The following TFAP2B variants were observed in gnomAD, a reference collection of about 807,000 sequenced individuals.
TFAP2B encodes the protein transcription factor AP-2-beta.
Under a neutral mutation model 44.3 loss-of-function variants are expected in TFAP2B, and 9 were observed. The observed-to-expected ratio is 0.20, with a 90% CI of 0.12 to 0.35. The LOEUF is 0.35. Ranked by LOEUF, TFAP2B falls within the 10% of genes least tolerant of loss-of-function variation. TFAP2B has a pLI of 1.00. For missense variants in TFAP2B, 509 were observed against 600.0 expected (o/e 0.85, Z 1.59); for synonymous variants, 270 against 263.8 (o/e 1.02, Z -0.23).
chr6:50,847,163 A>T lies in TFAP2B; in HGVS notation c.*3771A>T, dbSNP rs964207576. ...CCCAAACGGCGTTTCCCCACCTTTGACGATGTATGTGAAATTACTGGCTTA... is the reference window on the plus strand; with the variant it reads ...CCCAAACGGCGTTTCCCCACCTTTGTCGATGTATGTGAAATTACTGGCTTA... On this transcript the variant is annotated 3_prime_UTR_variant, in exon 7 of 7. Transcript: ENST00000393655. 1.3e-5 allele frequency: 2 copies of T among 152,502 alleles called. No individual in the cohort carries two copies. The highest frequency in any genetic ancestry group is 2.9e-5 in the Non-Finnish European group (2 of 68,000). 9.4% of individuals were successfully genotyped at this position (152,502 alleles called of 1,614,324 possible).
chr6:50,845,341 G>A lies in TFAP2B; in HGVS notation c.*1949G>A, dbSNP rs1481709199. On this transcript the variant is annotated 3_prime_UTR_variant, in exon 7 of 7. Transcript: ENST00000393655. ...GGTGGGGATTGGGGGAGTGGGGATT[G>A]CGTTGGGGTTTTAGGAATCTGCTGA... is the stretch of plus-strand genomic sequence containing the variant. The A allele has an allele frequency of 3.3e-5, 5 of 152,164 alleles. No homozygotes were observed. The highest frequency in any genetic ancestry group is 7.3e-5 in the Non-Finnish European group (5 of 68,042). 9.4% of individuals were successfully genotyped at this position (152,164 alleles called of 1,614,324 possible).
intron 2 of TFAP2B, among the ~76,000 whole-genome samples, chr6:50,826,258 T>C (rs1770500600): frequency 6.6e-6 from 1 of 152,096 alleles, no homozygotes; most frequent in African/African-American, 2.4e-5. Flanking sequence ...AGTCACTTGT[T>C]CCGATCTCAA....
chr6:50,820,311 C>T (rs1263570555), intron 1 of TFAP2B, among the ~76,000 whole-genome samples: 1 of 152,210 alleles, frequency 6.6e-6, no homozygotes, highest in Non-Finnish European at 1.5e-5. Context: ...GTGGGCGACT[C>T]ACAGGCGCGG....
rs973493185 is a variant in TFAP2B at position 50,837,205 on chromosome 6, T to C, written c.822-770T>C. 2.6e-5 allele frequency among the ~76,000 whole-genome samples: 4 copies of C among 152,198 alleles called. No individual in the cohort carries two copies. The East Asian group carries it at 7.7e-4, about 29-fold the overall frequency. ...TTTACTTGTACTTTTGTCCATACTT[T>C]AGCACATACAAGGAGAATCTTGGGA... On this transcript the variant is annotated intron_variant, in intron 4 of 6. Transcript: ENST00000393655.
chr6:50,828,658 G>T lies in TFAP2B; in HGVS notation c.580G>T (p.Asp194Tyr). 6.2e-7 allele frequency: 1 copy of T among 1,614,034 alleles called. No homozygotes were observed. The highest frequency in any genetic ancestry group is 8.5e-7 in the Non-Finnish European group (1 of 1,179,968). The change falls in exon 3 of 7, where the codon GAC becomes TAC. Residue 194 changes from aspartate to tyrosine, a missense_variant. Asp to Tyr is a radical substitution (Grantham distance 160, BLOSUM62 -3). Coordinates refer to ENST00000393655, the MANE Select transcript of TFAP2B (RefSeq NM_003221.4). Reference sequence around the variant, plus strand: ...CAATAACAGCGGCATGAATCTATTGGACCAGTCTGTCATTAAAAAAGGTAT... The same window carrying T: ...CAATAACAGCGGCATGAATCTATTGTACCAGTCTGTCATTAAAAAAGGTAT... ...DANNSGMNLL[D>Y]QSVIKKVPVP...
rs927466826 is a variant in TFAP2B at position 50,838,199 on chromosome 6, G to C, written c.940+106G>C. On this transcript the variant is annotated intron_variant, in intron 5 of 6. Coordinates refer to ENST00000393655, the MANE Select transcript of TFAP2B (RefSeq NM_003221.4). ...TTAACTGGAAATCGTTGTGATTGTT[G>C]TGCTCTTATGAGCTGGATGTCAAGC... 6 of 987,026 alleles carry C rather than the reference G, an allele frequency of 6.1e-6. No homozygotes were observed. The African/African-American group carries it at 6.4e-5, about 10-fold the overall frequency. 61.1% of individuals were successfully genotyped at this position (987,026 alleles called of 1,614,324 possible). A position where few individuals can be genotyped will look rare whatever the true frequency, so the allele number is the denominator to read the frequency against.
chr6:50,842,931 G>C (rs541078081), intron 6 of TFAP2B, among the ~76,000 whole-genome samples, 161 bp from the exon 7 acceptor site: 22 of 152,338 alleles, frequency 1.4e-4, no homozygotes, highest in Non-Finnish European at 2.9e-4. Flanking sequence ...CCAGCTGCTC[G>C]AGAAGGGAGG....
intron 2 of TFAP2B, among the ~76,000 whole-genome samples, chr6:50,825,459 C>A (rs1228565314): frequency 6.6e-6 from 1 of 152,000 alleles, no homozygotes; most frequent in Non-Finnish European, 1.5e-5. Flanking sequence ...CCCTACAGGC[C>A]AAGTGACTCT....
In TFAP2B at chr6:50,847,563, T is replaced by C. The variant is rs1268734865; in HGVS notation, c.*4171T>C. ...ATGGTAATGGGTAGAAATTGGTTTA[T>C]TGTCCAGTGTTAATCTGATTTACAT... is the stretch of plus-strand genomic sequence containing the variant. On this transcript the variant is annotated 3_prime_UTR_variant, in exon 7 of 7. Transcript: ENST00000393655. 3.9e-5 allele frequency: 6 copies of C among 152,656 alleles called. No individual in the cohort carries two copies. Among genetic ancestry groups the C allele is most frequent in the Non-Finnish European group, 8.8e-5 (6 of 68,046 alleles). The allele number at this position is 152,656 out of a possible 1,614,324, so 9.5% of individuals were successfully genotyped here.
chr6:50,833,438 A>G (rs1311264581), intron 3 of TFAP2B, among the ~76,000 whole-genome samples: 3 of 152,134 alleles, frequency 2.0e-5, no homozygotes, highest in Non-Finnish European at 4.4e-5. Context: ...GAGGCTGGGA[A>G]CACAATTGTG....
intron 3 of TFAP2B, among the ~76,000 whole-genome samples, chr6:50,833,125 C>T (rs965550257): frequency 6.6e-6 from 1 of 152,200 alleles, no homozygotes. Flanking sequence ...TTCCTGCTGT[C>T]GCTTTAAACC....
intron 6 of TFAP2B, among the ~76,000 whole-genome samples, chr6:50,841,350 C>T (rs1762727548): frequency 6.6e-6 from 1 of 152,140 alleles, no homozygotes; most frequent in Non-Finnish European, 1.5e-5. Context: ...TTTTCATCTG[C>T]TGTATCAACC....
intron 3 of TFAP2B, among the ~76,000 whole-genome samples, chr6:50,834,349 G>A (rs1762578389): frequency 6.6e-6 from 1 of 152,176 alleles, no homozygotes; most frequent in African/African-American, 2.4e-5. Context: ...TTACTCTGTT[G>A]CCAACATCAA....
chr6:50,837,867 C>T, intron 4 of TFAP2B, 108 bp from the exon 5 acceptor site: 1 of 917,156 alleles, frequency 1.1e-6, no homozygotes, highest in Non-Finnish European at 1.8e-6. Flanking sequence ...ATGTGCTAAC[C>T]TCAAGTTAAA....
chr6:50,824,990 A>G (rs1038005440), intron 2 of TFAP2B, among the ~76,000 whole-genome samples: 2 of 152,210 alleles, frequency 1.3e-5, no homozygotes, highest in East Asian at 3.9e-4. Flanking sequence ...AGGAAAATAA[A>G]ATGGGAAAGA....
chr6:50,836,162 G>T lies in TFAP2B; in HGVS notation c.703G>T (p.Gly235Cys). ...NTGEVFCSVP[G>C]RLSLLSSTSK... The stretch of plus-strand genomic sequence containing the variant: ...CGGCGAGGTGTTTTGCTCCGTCCCA[G>T]GCCGTTTGTCTCTGCTCAGTTCAAC... Residue 235 changes from glycine to cysteine, a missense_variant, in exon 4 of 7, where the codon GGC becomes TGC. Around this residue, in one of 3 missense-constraint regions of TFAP2B, gnomAD observed 45 missense variants for 108.6 expected, o/e 0.41. Coordinates refer to ENST00000393655, the MANE Select transcript of TFAP2B (RefSeq NM_003221.4). 6.2e-7 allele frequency: 1 copy of T among 1,614,128 alleles called. No individual in the cohort carries two copies. Among genetic ancestry groups the T allele is most frequent in the Non-Finnish European group, 8.5e-7 (1 of 1,180,034 alleles).
chr6:50,832,243 G>T (rs1452548508), intron 3 of TFAP2B, among the ~76,000 whole-genome samples: 1 of 152,146 alleles, frequency 6.6e-6, no homozygotes, highest in Non-Finnish European at 1.5e-5. Context: ...AGGTAGGTTA[G>T]ACATTCTTCT....
intron 4 of TFAP2B, 123 bp from the exon 5 acceptor site, chr6:50,837,852 G>A: frequency 3.6e-6 from 3 of 831,128 alleles, no homozygotes; most frequent in South Asian, 1.4e-5. Context: ...AAGGAAGGGG[G>A]AAAAATGTGC....
chr6:50,824,934 G>A (rs762758731), intron 2 of TFAP2B, among the ~76,000 whole-genome samples: 17 of 152,166 alleles, frequency 1.1e-4, no homozygotes, highest in Non-Finnish European at 1.9e-4. Flanking sequence ...AGTTTCATTG[G>A]CATAGTTGTA....
Sources: allele counts gnomAD v4.1 joint callset (sites outside exome capture counted in the v4.1 genomes callset), GRCh38; gene constraint gnomAD v4.1.1; regional missense constraint gnomAD v4.1.1; transcripts MANE v1.5; gene names NCBI Gene and HGNC (gene_info 2026-07-23, HGNC 2026-07-21).